The following NHS variants were observed in gnomAD, a reference collection of about 807,000 sequenced individuals.
The protein encoded by NHS is actin remodeling regulator NHS.
A neutral mutation model predicts 72.5 loss-of-function variants in NHS; 5 were observed. The observed-to-expected ratio is 0.07, with a 90% CI of 0.04 to 0.14. The LOEUF (loss-of-function observed/expected upper bound fraction) is 0.14, where lower values mean the gene tolerates loss of function less well. Among genes scored for constraint, NHS ranks in the 10% least tolerant of loss-of-function variants. NHS has a pLI of 1.00. For synonymous variants in NHS, 464 were observed against 547.7 expected (o/e 0.85, Z 2.13); for missense variants, 1,072 against 1,355.7 (o/e 0.79, Z 3.29).
At chrX:17,377,352 C>G (rs2064352068) in intron 1 of NHS, among the ~76,000 whole-genome samples, 1 of 112,932 alleles carries the variant, frequency 8.9e-6, no homozygotes, top group South Asian at 3.6e-4. Context: ...TCGTCCAAAT[C>G]TGGCGACGGC....
intron 1 of NHS, among the ~76,000 whole-genome samples, chrX:17,607,919 CT>C (rs749347077): frequency 0.04 from 3,708 of 92,127 alleles, 164 homozygotes; most frequent in African/African-American, 0.14. Flanking sequence ...CTTTTCTTTT[CT>C]TTTTTTTTTT....
At chrX:17,417,765 T>C (rs1254160959) in intron 1 of NHS, among the ~76,000 whole-genome samples, 1 of 112,403 alleles carries the variant, frequency 8.9e-6, no homozygotes, top group Non-Finnish European at 1.9e-5. Context: ...TAAAGACATG[T>C]TCATAGAAGT....
At chrX:17,536,690 T>C (rs755725265) in intron 1 of NHS, among the ~76,000 whole-genome samples, 1 of 112,558 alleles carries the variant, frequency 8.9e-6, no homozygotes, top group South Asian at 3.7e-4. Context: ...TTTAAGAAAA[T>C]CTAAAAGTAT....
At chrX:17,692,741 A>C (rs1364253390) in intron 3 of NHS, among the ~76,000 whole-genome samples, 1 of 111,009 alleles carries the variant, frequency 9.0e-6, no homozygotes, top group Admixed American at 9.6e-5. Context: ...TACATACTTC[A>C]AACCTCGGTT....
chrX:17,408,370 A>T (rs2064539656), intron 1 of NHS, among the ~76,000 whole-genome samples: 1 of 111,098 alleles, frequency 9.0e-6, no homozygotes, highest in Non-Finnish European at 1.9e-5. Context: ...GCTTGATTCA[A>T]CTCCCAGCGT....
chrX:17,702,319 T>C (rs2066270031), intron 3 of NHS, among the ~76,000 whole-genome samples: 2 of 112,023 alleles, frequency 1.8e-5, no homozygotes, highest in Admixed American at 1.9e-4. Context: ...GAAAGCAGTA[T>C]TTTTGTTTCA....
At chrX:17,611,419 T>C (rs1467826779) in intron 1 of NHS, among the ~76,000 whole-genome samples, 1 of 112,121 alleles carries the variant, frequency 8.9e-6, no homozygotes, top group Non-Finnish European at 1.9e-5. Context: ...GTGGACAAAA[T>C]GTGCTCTTAG....
At chrX:17,711,228 C>T (rs942909439) in intron 3 of NHS, among the ~76,000 whole-genome samples, 4 of 111,841 alleles carry the variant, frequency 3.6e-5, no homozygotes, top group Non-Finnish European at 7.5e-5. Context: ...AAGCTGACCA[C>T]AGGGGATGAA....
intron 1 of NHS, among the ~76,000 whole-genome samples, chrX:17,673,862 C>T (rs553915710): frequency 2.7e-5 from 3 of 112,413 alleles, no homozygotes; most frequent in African/African-American, 9.7e-5. Flanking sequence ...CTGATCCTAT[C>T]CAGCCCTTAA....
chrX:17,516,987 C>A (rs113236474), intron 1 of NHS, among the ~76,000 whole-genome samples: 2,173 of 112,190 alleles, frequency 0.019, 51 homozygotes, highest in African/African-American at 0.064. Context: ...AGAGCAAGTG[C>A]CTTTTGGGTA....
At chrX:17,632,669 G>A (rs1016126700) in intron 1 of NHS, among the ~76,000 whole-genome samples, 1 of 111,335 alleles carries the variant, frequency 9.0e-6, no homozygotes, top group Non-Finnish European at 1.9e-5. Flanking sequence ...AGTTCTCTGA[G>A]CCTCAGTTCT....
chrX:17,712,270 TATATATATATATATATATATAC>T (rs1277091273), intron 3 of NHS, among the ~76,000 whole-genome samples: 2 of 78,772 alleles, frequency 2.5e-5, no homozygotes, highest in African/African-American at 8.9e-5. Context: ...TATATATATA[TATATATATATATATATATATAC>T]ACACACACAC....
intron 1 of NHS, among the ~76,000 whole-genome samples, chrX:17,564,969 A>ATTTTTTTTT (rs201932159): frequency 1.0e-5 from 1 of 99,944 alleles, no homozygotes; most frequent in African/African-American, 4.6e-5. Context: ...GTACAGCCAC[A>ATTTTTTTTT]TTTTTTTTTA....
chrX:17,514,356 G>A (rs192525747), intron 1 of NHS, among the ~76,000 whole-genome samples: 2 of 112,545 alleles, frequency 1.8e-5, no homozygotes, highest in African/African-American at 6.4e-5. Context: ...GGAAGGACTT[G>A]ACTTGACTTG....
chrX:17,532,053 C>T (rs1447796461), intron 1 of NHS, among the ~76,000 whole-genome samples: 1 of 111,343 alleles, frequency 9.0e-6, no homozygotes, highest in Non-Finnish European at 1.9e-5. Context: ...ATCTAGAATG[C>T]ACCCAACAAA....
intron 1 of NHS, among the ~76,000 whole-genome samples, chrX:17,547,799 C>T (rs1257372521): frequency 8.9e-6 from 1 of 111,982 alleles, no homozygotes; most frequent in Non-Finnish European, 1.9e-5. Flanking sequence ...GTCAGCTGGG[C>T]AGACTGCCAG....
chrX:17,667,044 T>G (rs1248265520), intron 1 of NHS, among the ~76,000 whole-genome samples: 1 of 112,393 alleles, frequency 8.9e-6, no homozygotes, highest in Non-Finnish European at 1.9e-5. Context: ...AAAACCTATT[T>G]GTTATTGCTT....
intron 1 of NHS, among the ~76,000 whole-genome samples, chrX:17,515,072 A>C (rs1270401844): frequency 1.8e-5 from 2 of 111,712 alleles, no homozygotes; most frequent in Non-Finnish European, 3.8e-5. Context: ...TGGAGCAAAT[A>C]ACACAAATTT....
chrX:17,493,269 T>C (rs917541607), intron 1 of NHS, among the ~76,000 whole-genome samples: 13 of 112,063 alleles, frequency 1.2e-4, no homozygotes, highest in Non-Finnish European at 2.1e-4. Context: ...TGTGGATTGC[T>C]GATGGCTTAA....
Sources: allele counts gnomAD v4.1 joint callset (sites outside exome capture counted in the v4.1 genomes callset), GRCh38; gene constraint gnomAD v4.1.1; transcripts MANE v1.5; gene names NCBI Gene and HGNC (gene_info 2026-07-23, HGNC 2026-07-21).